Variants in APBA2 observed in about 807,000 individuals in gnomAD.
APBA2 encodes the protein amyloid-beta A4 precursor protein-binding family A member 2.
APBA2 carries 30 observed loss-of-function variants against 75.0 expected under a neutral mutation model. The observed-to-expected ratio is 0.40, with a 90% CI of 0.30 to 0.54. The LOEUF (loss-of-function observed/expected upper bound fraction) is 0.54. Among genes scored for constraint, APBA2 ranks in the 20% least tolerant of loss-of-function variants. The pLI is 0.49. For missense variants in APBA2, 801 were observed against 1,016.1 expected (o/e 0.79, Z 2.88); for synonymous variants, 444 against 409.6 (o/e 1.08, Z -1.01).
intron 6 of APBA2, among the ~76,000 whole-genome samples, chr15:29,086,470 T>A (rs997803044): frequency 1.3e-5 from 2 of 152,238 alleles, no homozygotes; most frequent in African/African-American, 4.8e-5. Context: ...AACGTCATGA[T>A]TCCTAATGAT....
At chr15:29,040,507 A>G (rs1163383011) in intron 3 of APBA2, among the ~76,000 whole-genome samples, 3 of 152,246 alleles carry the variant, frequency 2.0e-5, no homozygotes, top group Admixed American at 6.5e-5. Flanking sequence ...TTAAGCTGCA[A>G]TAGAAACCGT....
chr15:28,968,489 T>C (rs1008367169), intron 2 of APBA2, among the ~76,000 whole-genome samples: 7 of 152,202 alleles, frequency 4.6e-5, no homozygotes, highest in Admixed American at 2.0e-4. Flanking sequence ...CGTGTCCCTT[T>C]GTCCTCTCTC....
chr15:29,104,954 T>A (rs1429657983), intron 10 of APBA2, among the ~76,000 whole-genome samples: 1 of 152,122 alleles, frequency 6.6e-6, no homozygotes, highest in Non-Finnish European at 1.5e-5. Context: ...TGGATGTGGT[T>A]GTGCTCACCT....
At chr15:28,963,052 G>A (rs1227405109) in intron 2 of APBA2, among the ~76,000 whole-genome samples, 1 of 152,220 alleles carries the variant, frequency 6.6e-6, no homozygotes, top group Middle Eastern at 3.2e-3. Context: ...GGTGGCAGGT[G>A]CACTGGGGAC....
intron 2 of APBA2, among the ~76,000 whole-genome samples, chr15:28,954,724 G>T (rs566696279): frequency 6.6e-6 from 1 of 152,310 alleles, no homozygotes; most frequent in East Asian, 1.9e-4. Context: ...TTGACATCTA[G>T]GAGTGAGGGC....
chr15:28,944,780 G>A (rs2035447001), intron 2 of APBA2, among the ~76,000 whole-genome samples: 1 of 152,248 alleles, frequency 6.6e-6, no homozygotes, highest in Admixed American at 6.5e-5. Flanking sequence ...AACATGAAAT[G>A]TGGTTGCCCG....
chr15:28,963,206 G>A (rs1033975095), intron 2 of APBA2, among the ~76,000 whole-genome samples: 3 of 152,194 alleles, frequency 2.0e-5, no homozygotes, highest in African/African-American at 2.4e-5. Context: ...GGCCTGATGT[G>A]GGACGTGGTA....
chr15:29,095,672 G>A (rs2152955125), intron 8 of APBA2, among the ~76,000 whole-genome samples: 1 of 152,272 alleles, frequency 6.6e-6, no homozygotes, highest in East Asian at 1.9e-4. Context: ...CTGGCGCTTT[G>A]GCCAGAAGAC....
intron 3 of APBA2, among the ~76,000 whole-genome samples, chr15:29,007,621 A>C (rs1037073760): frequency 6.6e-6 from 1 of 152,198 alleles, no homozygotes; most frequent in Admixed American, 6.5e-5. Context: ...AAACACAGAA[A>C]AACATGCTCA....
At chr15:28,900,299 T>A (rs1566782513) in intron 1 of APBA2, among the ~76,000 whole-genome samples, 2 of 152,216 alleles carry the variant, frequency 1.3e-5, no homozygotes, top group Admixed American at 6.5e-5. Context: ...AAATCACCAA[T>A]GCTGGGCACC....
At chr15:28,917,565 TCTC>T (rs1480371133) in intron 1 of APBA2, among the ~76,000 whole-genome samples, 1 of 151,930 alleles carries the variant, frequency 6.6e-6, no homozygotes, top group Non-Finnish European at 1.5e-5. Context: ...TTTAGGGAGT[TCTC>T]CTGTACACCC....
At chr15:28,891,489 C>T (rs1264400235) in intron 1 of APBA2, among the ~76,000 whole-genome samples, 14 of 152,170 alleles carry the variant, frequency 9.2e-5, no homozygotes, top group Admixed American at 9.2e-4. Flanking sequence ...AGACTGATGG[C>T]TGGCATCAGA....
At chr15:28,897,005 C>A (rs2032530995) in intron 1 of APBA2, among the ~76,000 whole-genome samples, 1 of 152,158 alleles carries the variant, frequency 6.6e-6, no homozygotes. Flanking sequence ...ATTCATGTCA[C>A]CTGATTGCTT....
intron 2 of APBA2, among the ~76,000 whole-genome samples, chr15:28,929,686 C>T (rs1270569112): frequency 1.3e-5 from 2 of 152,168 alleles, no homozygotes; most frequent in African/African-American, 2.4e-5. Context: ...CCCCCATTCT[C>T]AGTATTTGGC....
Position 28,935,054 on chromosome 15 carries a change from CTTG to C in APBA2, c.-95+13313_-95+13315del, listed in dbSNP as rs796884221. On this transcript the variant is annotated intron_variant, in intron 2 of 14. Transcript: ENST00000683413. The stretch of plus-strand genomic sequence containing the variant: ...CAGTTCCTGGCATGCTCAGTGTAGC[CTTG>C]TTGTTGTAAGAGAAAAAAGCAGGGA... Among the ~76,000 whole-genome samples the C allele has an allele frequency of 2.0e-3, 307 of 152,290 alleles. 1 individual carries two copies. The highest frequency in any genetic ancestry group is 7.0e-3 in the African/African-American group (289 of 41,544).
At chr15:29,093,003 G>A (rs2043653012) in intron 6 of APBA2, 72 bp from the exon 7 acceptor site, 1 of 1,587,340 alleles carries the variant, frequency 6.3e-7, no homozygotes, top group African/African-American at 1.3e-5. Context: ...CTTGTGCTAT[G>A]GCCAGGCATG....
At chr15:28,989,383 G>T in intron 2 of APBA2, among the ~76,000 whole-genome samples, 1 of 152,124 alleles carries the variant, frequency 6.6e-6, no homozygotes, top group East Asian at 1.9e-4. Flanking sequence ...AGGATGCGCA[G>T]GTTCGTATCT....
In APBA2 at chr15:28,918,245, C is replaced by G. The variant is rs1288443040; in HGVS notation, c.-204-3395C>G. ...GCGTTCCTGGCGCCACGGAGCCGGTCAGTGACAGAGCCGGGTCTCAACCCA... is the reference window on the plus strand; with the variant it reads ...GCGTTCCTGGCGCCACGGAGCCGGTGAGTGACAGAGCCGGGTCTCAACCCA... On this transcript the variant is annotated intron_variant, in intron 1 of 14. Coordinates refer to ENST00000683413, the MANE Select transcript of APBA2 (RefSeq NM_001353788.2). The surrounding 1 kb of genome is among the most constrained non-coding windows in gnomAD (Gnocchi z 4.2). 6.6e-6 allele frequency among the ~76,000 whole-genome samples: 1 copy of G among 152,178 alleles called. No individual in the cohort carries two copies. The highest frequency in any genetic ancestry group is 2.4e-5 in the African/African-American group (1 of 41,444).
chr15:29,059,480 C>T (rs2042041062), intron 4 of APBA2, among the ~76,000 whole-genome samples: 1 of 152,142 alleles, frequency 6.6e-6, no homozygotes. Flanking sequence ...TTAAAAAACA[C>T]ATAGTGGACA....
Sources: gnomAD v4.1 joint callset for allele counts (sites outside exome capture counted in the v4.1 genomes callset) on GRCh38, gnomAD v4.1.1 for gene constraint, Gnocchi (gnomAD v3.1) non-coding constraint, MANE v1.5 for transcripts, NCBI Gene and HGNC (gene_info 2026-07-23, HGNC 2026-07-21) for gene names.